The following PHEX variants were observed in gnomAD, a reference collection of about 807,000 sequenced individuals.
The protein encoded by PHEX is phosphate-regulating neutral endopeptidase PHEX.
A neutral mutation model predicts 68.0 loss-of-function variants in PHEX; 16 were observed. The ratio of observed to expected loss-of-function variants is 0.24; its 90% CI spans 0.16 to 0.36. The LOEUF is 0.36. Ranked by LOEUF, PHEX falls within the 10% of genes least tolerant of loss-of-function variation. PHEX has a pLI of 1.00. For missense variants in PHEX, 480 were observed against 575.5 expected (o/e 0.83, Z 1.70); for synonymous variants, 208 against 205.1 (o/e 1.01, Z -0.12).
chrX:22,245,957 C>G (rs185276787), intron 21 of PHEX, among the ~76,000 whole-genome samples: 2 of 111,635 alleles, frequency 1.8e-5, no homozygotes, highest in South Asian at 3.7e-4. Context: ...AGTCAACCAG[C>G]AAACATGAAT....
At chrX:22,034,364 C>CT (rs1926921119) in intron 1 of PHEX, among the ~76,000 whole-genome samples, 1 of 112,169 alleles carries the variant, frequency 8.9e-6, no homozygotes, top group Non-Finnish European at 1.9e-5. Context: ...AATATGTACT[C>CT]TTTTTAACGA....
intron 10 of PHEX, 111 bp downstream of exon 10, chrX:22,111,671 G>C (rs1930976504): frequency 1.7e-6 from 1 of 600,148 alleles, no homozygotes; most frequent in East Asian, 3.4e-5. Context: ...GACAGGGGGA[G>C]TTTGTAGCCC....
chrX:22,168,355 T>C lies in PHEX; in HGVS notation c.1448T>C (p.Met483Thr). The C allele has an allele frequency of 8.4e-7, 1 of 1,193,567 alleles. No individual in the cohort carries two copies. Among genetic ancestry groups the C allele is most frequent in the African/African-American group, 1.7e-5 (1 of 57,535 alleles). ...AAAGTTGGCTATCCAGAGTTTATAATGAATGATACTCATGTTAATGAAGAC... is the reference window on the plus strand; with the variant it reads ...AAAGTTGGCTATCCAGAGTTTATAACGAATGATACTCATGTTAATGAAGAC... Reference protein sequence around the residue: ...LAKVGYPEFIMNDTHVNEDLK... With the variant: ...LAKVGYPEFITNDTHVNEDLK... Residue 483 changes from methionine (M) to threonine (T), a missense_variant, in exon 13 of 22, where the codon ATG becomes ACG. Coordinates refer to ENST00000379374, the MANE Select transcript of PHEX (RefSeq NM_000444.6).
chrX:22,176,746 T>C (rs978332111), intron 13 of PHEX, among the ~76,000 whole-genome samples: 3 of 110,872 alleles, frequency 2.7e-5, no homozygotes, highest in Admixed American at 9.8e-5. Context: ...ACAGTGTTGT[T>C]TTGCATGTTT....
intron 9 of PHEX, among the ~76,000 whole-genome samples, chrX:22,101,944 C>T (rs1234255943): frequency 9.0e-6 from 1 of 111,343 alleles, no homozygotes; most frequent in African/African-American, 3.3e-5. Flanking sequence ...TCATGGCAGG[C>T]ACTCTTTTTT....
intron 2 of PHEX, among the ~76,000 whole-genome samples, chrX:22,040,716 A>G (rs1404051936): frequency 9.0e-6 from 1 of 110,785 alleles, no homozygotes; most frequent in Admixed American, 9.7e-5. Context: ...GAGGAACGGG[A>G]GGAGCTTGCT....
At position 22,047,085 on chromosome X, in the gene PHEX, G is replaced by A; in HGVS notation, c.223G>A (p.Asp75Asn). The A allele has an allele frequency of 8.3e-7, 1 of 1,208,490 alleles. No individual in the cohort carries two copies. The highest frequency in any genetic ancestry group is 1.8e-5 in the South Asian group (1 of 56,896). The change falls in exon 3 of 22, where the codon GAT (aspartate) becomes AAT (asparagine). Residue 75 changes from aspartate to asparagine, a missense_variant. By Grantham distance (23) the Asp-to-Asn change is conservative. Transcript: ENST00000379374. ...AILSKVNLSVDPCDNFFRFAC... is the reference protein window; with the variant it reads ...AILSKVNLSVNPCDNFFRFAC... ...CTTAAGTAAAGTAAATCTGTCTGTGGATCCTTGTGATAATTTCTTCCGGTT... is the reference window on the plus strand; with the variant it reads ...CTTAAGTAAAGTAAATCTGTCTGTGAATCCTTGTGATAATTTCTTCCGGTT...
At chrX:22,084,877 T>C (rs777751494) in intron 5 of PHEX, among the ~76,000 whole-genome samples, 1 of 111,514 alleles carries the variant, frequency 9.0e-6, no homozygotes, top group South Asian at 3.7e-4. Context: ...TATTTATTTG[T>C]GTCTTCTCTC....
chrX:22,079,899 G>A (rs762818073), intron 5 of PHEX, among the ~76,000 whole-genome samples: 16 of 111,650 alleles, frequency 1.4e-4, no homozygotes, highest in African/African-American at 4.6e-4. Flanking sequence ...GGAAAGGATT[G>A]ATCTAGGCAA....
intron 2 of PHEX, among the ~76,000 whole-genome samples, chrX:22,041,299 A>G (rs796944704): frequency 1.1e-5 from 1 of 90,495 alleles, no homozygotes; most frequent in African/African-American, 4.3e-5. Context: ...ATATATATAT[A>G]TATTTTAACC....
chrX:22,095,553 C>T (rs925807243), intron 7 of PHEX, among the ~76,000 whole-genome samples: 6 of 111,998 alleles, frequency 5.4e-5, no homozygotes, highest in Non-Finnish European at 9.4e-5. Flanking sequence ...TGTGAGACTC[C>T]GAGGGCGGAG....
chrX:22,230,208 ATTGTT>A (rs1407767842), intron 20 of PHEX, among the ~76,000 whole-genome samples: 1 of 27,311 alleles, frequency 3.7e-5, no homozygotes, highest in African/African-American at 1.4e-4. Context: ...TTTGCTTAGG[ATTGTT>A]TTGGCTATAT....
At position 22,094,003 on chromosome X, in the gene PHEX, G is replaced by A; in HGVS notation, c.753G>A (p.Lys251=). The A allele has an allele frequency of 4.2e-6, 5 of 1,196,574 alleles. No individual in the cohort carries two copies. Among genetic ancestry groups the A allele is most frequent in the Non-Finnish European group, 5.7e-6 (5 of 882,491 alleles). Residue 251 remains lysine (K), a synonymous_variant, in exon 7 of 22, where the codon AAG becomes AAA. Coordinates refer to ENST00000379374, the MANE Select transcript of PHEX (RefSeq NM_000444.6). The part of the protein sequence containing the change: ...EAKSYRDALY[K]FMVDTAVLLG... ...TACAGTATCGGGATGCCCTTTACAA[G>A]TTCATGGTGGATACTGCCGTGCTTT...
intron 12 of PHEX, among the ~76,000 whole-genome samples, chrX:22,139,111 A>G (rs5951706): frequency 0.072 from 8,032 of 111,204 alleles, 283 homozygotes; most frequent in South Asian, 0.15. Flanking sequence ...AACTTCTTCC[A>G]CCCTCAGTTT....
chrX:22,076,933 T>C (rs185018335), intron 4 of PHEX, among the ~76,000 whole-genome samples: 4 of 111,870 alleles, frequency 3.6e-5, no homozygotes, highest in Admixed American at 9.5e-5. Flanking sequence ...TTGGGTCTGA[T>C]TGGAATCAGA....
At chrX:22,213,681 T>C (rs1935001661) in intron 16 of PHEX, among the ~76,000 whole-genome samples, 1 of 112,178 alleles carries the variant, frequency 8.9e-6, no homozygotes, top group Non-Finnish European at 1.9e-5. Flanking sequence ...CCATTTCTAT[T>C]ATATACTTTT....
chrX:22,098,275 A>C (rs2147045628), intron 8 of PHEX, among the ~76,000 whole-genome samples: 1 of 107,290 alleles, frequency 9.3e-6, no homozygotes, highest in Non-Finnish European at 1.9e-5. Flanking sequence ...GGAGAGAAGG[A>C]GGGAAGAGTA....
At chrX:22,155,209 G>A in intron 12 of PHEX, among the ~76,000 whole-genome samples, 1 of 112,889 alleles carries the variant, frequency 8.9e-6, no homozygotes, top group Non-Finnish European at 1.9e-5. Flanking sequence ...ATCGTGCCCA[G>A]CCCACACTTG....
intron 6 of PHEX, among the ~76,000 whole-genome samples, chrX:22,091,597 C>T (rs1267933489): frequency 1.8e-5 from 2 of 111,774 alleles, no homozygotes; most frequent in African/African-American, 3.3e-5. Context: ...AGCATGCCTT[C>T]GCTCCCAAGA....
Sources: gnomAD v4.1 joint callset for allele counts (sites outside exome capture counted in the v4.1 genomes callset) on GRCh38, gnomAD v4.1.1 for gene constraint, MANE v1.5 for transcripts, NCBI Gene and HGNC (gene_info 2026-07-23, HGNC 2026-07-21) for gene names.